Variants in FRMD3 observed in about 807,000 individuals in gnomAD.
FRMD3 encodes the protein FERM domain containing 3, also known as FERM domain-containing protein 3.
Under a neutral mutation model 70.2 loss-of-function variants are expected in FRMD3, and 33 were observed. The observed-to-expected ratio is 0.47, with a 90% CI of 0.36 to 0.63. The LOEUF is 0.63. FRMD3 is among the 20% of genes least tolerant of loss of function. The pLI, the probability that FRMD3 is intolerant of heterozygous loss-of-function variation, is 0.00. For missense variants in FRMD3, 632 were observed against 711.4 expected (o/e 0.89, Z 1.27); for synonymous variants, 279 against 255.9 (o/e 1.09, Z -0.86).
At chr9:83,459,458 G>C (rs1198321363) in intron 1 of FRMD3, among the ~76,000 whole-genome samples, 3 of 152,230 alleles carry the variant, frequency 2.0e-5, no homozygotes, top group Non-Finnish European at 4.4e-5. Flanking sequence ...CTCACTTCAA[G>C]ATGATAATAT....
chr9:83,450,108 C>G (rs554757631), intron 1 of FRMD3, among the ~76,000 whole-genome samples: 2 of 152,084 alleles, frequency 1.3e-5, no homozygotes, highest in Non-Finnish European at 2.9e-5. Context: ...CGCCACCCAA[C>G]TGACAGTTTT....
chr9:83,419,507 TGAGTG>T (rs1826562718), intron 1 of FRMD3, among the ~76,000 whole-genome samples: 1 of 150,338 alleles, frequency 6.7e-6, no homozygotes, highest in South Asian at 2.1e-4. Context: ...TCATGTGTGT[TGAGTG>T]TGTGTGATAT....
chr9:83,394,347 T>C (rs1564056156), intron 1 of FRMD3, among the ~76,000 whole-genome samples: 1 of 152,112 alleles, frequency 6.6e-6, no homozygotes, highest in East Asian at 1.9e-4. Flanking sequence ...TCAAAAGAAT[T>C]TGTGTGAAAC....
intron 1 of FRMD3, among the ~76,000 whole-genome samples, chr9:83,407,493 G>A (rs530627510): frequency 2.6e-5 from 4 of 152,108 alleles, no homozygotes; most frequent in South Asian, 4.2e-4. Context: ...AAAGGCATTC[G>A]GCTCCACAAT....
rs545085050 is a variant in FRMD3 at position 83,273,502 on chromosome 9, G to A, written c.1195+17101C>T. On this transcript the variant is annotated intron_variant, in intron 13 of 13. Coordinates refer to ENST00000304195, the MANE Select transcript of FRMD3 (RefSeq NM_174938.6). The stretch of plus-strand genomic sequence containing the variant: ...AGGGACACAAACACTGCGGAAGGCC[G>A]CAGGGTCCTCTGCCTAGGAAAACCA... Among the ~76,000 whole-genome samples, 595 of 151,504 alleles carry A rather than the reference G, an allele frequency of 3.9e-3. 2 individuals carry two copies. The highest frequency in any genetic ancestry group is 0.014 in the African/African-American group (569 of 41,176).
chr9:83,504,534 G>A (rs548245342), intron 1 of FRMD3, among the ~76,000 whole-genome samples: 1 of 151,914 alleles, frequency 6.6e-6, no homozygotes, highest in South Asian at 2.1e-4. Flanking sequence ...GCTCCCTTCT[G>A]CCTCAAGACC....
At chr9:83,500,500 GCGCACACACA>G (rs1369412204) in intron 1 of FRMD3, among the ~76,000 whole-genome samples, 21 of 136,632 alleles carry the variant, frequency 1.5e-4, no homozygotes, top group African/African-American at 2.3e-4. Context: ...GCGTGTATGC[GCGCACACACA>G]CACACACACA....
At chr9:83,502,988 T>C (rs953330437) in intron 1 of FRMD3, among the ~76,000 whole-genome samples, 1 of 152,130 alleles carries the variant, frequency 6.6e-6, no homozygotes, top group African/African-American at 2.4e-5. Context: ...TAGGCCCTCA[T>C]GACTGATTTA....
intron 1 of FRMD3, among the ~76,000 whole-genome samples, chr9:83,395,617 A>G (rs967168673): frequency 2.0e-5 from 3 of 152,204 alleles, no homozygotes; most frequent in Non-Finnish European, 4.4e-5. Flanking sequence ...TTTGCTAAGG[A>G]TAACTTTCCT....
At chr9:83,446,687 G>A (rs1019475999) in intron 1 of FRMD3, among the ~76,000 whole-genome samples, 7 of 150,582 alleles carry the variant, frequency 4.6e-5, no homozygotes, top group Non-Finnish European at 8.8e-5. Flanking sequence ...TGTCTGCTGC[G>A]ACGTCCACAC....
the FRMD3 span, among the ~76,000 whole-genome samples, chr9:83,555,398 G>C: frequency 1.3e-5 from 2 of 151,926 alleles, no homozygotes; most frequent in African/African-American, 4.8e-5. Flanking sequence ...GCAGCAGTCT[G>C]GCCAAATTTG....
chr9:83,346,684 A>G (rs1564027120), intron 4 of FRMD3, among the ~76,000 whole-genome samples: 1 of 152,240 alleles, frequency 6.6e-6, no homozygotes, highest in East Asian at 1.9e-4. Context: ...AAAATAAACT[A>G]TTTTGAAAAT....
chr9:83,513,329 G>A (rs1392892369), intron 1 of FRMD3, among the ~76,000 whole-genome samples: 1 of 152,224 alleles, frequency 6.6e-6, no homozygotes, highest in Non-Finnish European at 1.5e-5. Context: ...CAAAATATCT[G>A]CAGAGAGTAC....
chr9:83,570,080 C>T, the FRMD3 span, among the ~76,000 whole-genome samples: 1 of 152,200 alleles, frequency 6.6e-6, no homozygotes, highest in African/African-American at 2.4e-5. Flanking sequence ...TCATGTTGCT[C>T]AAATTCCCAT....
chr9:83,507,994 A>G (rs576355338), intron 1 of FRMD3, among the ~76,000 whole-genome samples: 15 of 152,132 alleles, frequency 9.9e-5, no homozygotes, highest in African/African-American at 3.1e-4. Flanking sequence ...TGAGTAACAC[A>G]TTGAGCTACA....
intron 2 of FRMD3, among the ~76,000 whole-genome samples, chr9:83,381,256 A>G (rs1004417542): frequency 6.6e-6 from 1 of 152,230 alleles, no homozygotes; most frequent in African/African-American, 2.4e-5. Context: ...TTGGAAATCA[A>G]TCTATGTAAG....
At chr9:83,243,683 G>T (rs1222294732), downstream of FRMD3, among the ~76,000 whole-genome samples, 2 of 152,126 alleles carry the variant, frequency 1.3e-5, no homozygotes. Flanking sequence ...CTTGCCTGTA[G>T]TCTAGAGCCT....
intron 1 of FRMD3, among the ~76,000 whole-genome samples, chr9:83,411,655 G>T (rs946892969): frequency 6.6e-6 from 1 of 152,212 alleles, no homozygotes; most frequent in Non-Finnish European, 1.5e-5. Flanking sequence ...CTACAAACCC[G>T]AGTCTCTTCA....
the FRMD3 span, among the ~76,000 whole-genome samples, chr9:83,575,149 T>C: frequency 6.6e-5 from 10 of 152,146 alleles, no homozygotes; most frequent in Non-Finnish European, 8.8e-5. Context: ...CCAAGCTCTC[T>C]ATTAGTCAAG....
Sources: gnomAD v4.1 joint callset for allele counts (sites outside exome capture counted in the v4.1 genomes callset) on GRCh38, gnomAD v4.1.1 for gene constraint, MANE v1.5 for transcripts, NCBI Gene and HGNC (gene_info 2026-07-23, HGNC 2026-07-21) for gene names.